ZNF518A: variants seen among roughly 807,000 people sequenced by gnomAD.
The protein encoded by ZNF518A is zinc finger protein 518A.
ZNF518A carries 47 observed loss-of-function variants against 102.7 expected under a neutral mutation model. The observed-to-expected ratio is 0.46, with a 90% confidence interval of 0.36 to 0.58. ZNF518A has a LOEUF of 0.58. Ranked by LOEUF, ZNF518A falls within the 20% of genes least tolerant of loss-of-function variation. ZNF518A has a pLI of 0.00. For missense variants in ZNF518A, 1,793 were observed against 1,699.8 expected, an observed-to-expected ratio of 1.05 and a Z score of -0.96; for synonymous variants, 652 against 594.6, an observed-to-expected ratio of 1.10 and a Z score of -1.40.
chr10:96,195,977 A>G (rs1299276512), intron 1 of ZNF518A, among the ~76,000 whole-genome samples: 1 of 152,254 alleles, frequency 6.6e-6, no homozygotes, highest in Non-Finnish European at 1.5e-5. Context: ...CTGGAAATAC[A>G]GAGATGAAAA....
intron 1 of ZNF518A, among the ~76,000 whole-genome samples, chr10:96,183,670 T>C (rs1333609411): frequency 6.6e-6 from 1 of 152,238 alleles, no homozygotes; most frequent in Non-Finnish European, 1.5e-5. Flanking sequence ...TGCACTGTGG[T>C]CTGAGAGACA....
At chr10:96,130,225 C>T (rs982324351), upstream of ZNF518A, 18 of 152,810 alleles carry the variant, frequency 1.2e-4, no homozygotes, top group African/African-American at 3.8e-4. Flanking sequence ...GTCCCCCAAA[C>T]AGGTCCAGGG....
Position 96,156,480 on chromosome 10 carries a change from C to A in ZNF518A, c.158C>A (p.Pro53Gln). 1 of 1,610,854 alleles carries A rather than the reference C, an allele frequency of 6.2e-7. No homozygotes were observed. The highest frequency in any genetic ancestry group is 1.1e-5 in the South Asian group (1 of 89,840). ...CTAAAAAATGTGAAAATTGATTTGC[C>A]AAAAATAAATATTCCAAATGAAGTC... ...YALKNVKIDL[P>Q]KINIPNEVLL... is the part of the protein sequence containing the mutation. The change falls in exon 6 of 6, where the codon CCA (proline) becomes CAA (glutamine). Residue 53 changes from proline (P) to glutamine (Q), a missense_variant. Around this residue, in one of 3 missense-constraint regions of ZNF518A, gnomAD observed 1,741 missense variants for 1,622.6 expected, o/e 1.07. Transcript: ENST00000316045.
At chr10:96,181,893 T>G (rs1423234866) in intron 1 of ZNF518A, among the ~76,000 whole-genome samples, 1 of 152,222 alleles carries the variant, frequency 6.6e-6, no homozygotes, top group Non-Finnish European at 1.5e-5. Context: ...GGTAGCTTGA[T>G]GGGGATGGCA....
At chr10:96,177,665 T>A (rs782352587) in intron 1 of ZNF518A, among the ~76,000 whole-genome samples, 1 of 152,134 alleles carries the variant, frequency 6.6e-6, no homozygotes, top group African/African-American at 2.4e-5. Context: ...AAAAAACATG[T>A]AATTACTAAG....
rs587756735 is a variant in ZNF518A, at chr10:96,160,341, G to A, written c.4019G>A (p.Cys1340Tyr). 3.7e-6 allele frequency: 6 copies of A among 1,613,640 alleles called. No homozygotes were observed. In the African/African-American group the frequency reaches 4.0e-5, roughly 11 times the overall value. The change falls in exon 6 of 6, where the codon TGT (cysteine) becomes TAT (tyrosine). Residue 1340 changes from cysteine (C) to tyrosine (Y), a missense_variant. This residue lies in a region of ZNF518A where 1,741 missense variants were observed against 1,622.6 expected (regional missense o/e 1.07). Transcript: ENST00000316045. ...FPFSSKQLVK[C>Y]PRRNQPVVVL... is the part of the protein sequence containing the mutation. ...TTTAGTTCTAAACAGCTTGTGAAAT[G>A]TCCTAGGAGAAACCAACCAGTTGTA...
intron 1 of ZNF518A, among the ~76,000 whole-genome samples, chr10:96,184,799 G>A (rs1348223726): frequency 6.6e-6 from 1 of 152,144 alleles, no homozygotes; most frequent in Non-Finnish European, 1.5e-5. Context: ...CTCTTCTTGA[G>A]GAGTATCTTT....
intron 1 of ZNF518A, among the ~76,000 whole-genome samples, chr10:96,183,870 G>A (rs1233778114): frequency 6.6e-6 from 1 of 152,166 alleles, no homozygotes; most frequent in Non-Finnish European, 1.5e-5. Flanking sequence ...GGATATCATT[G>A]TTAACCTTCT....
intron 1 of ZNF518A, among the ~76,000 whole-genome samples, chr10:96,188,371 G>A (rs1221974273): frequency 2.6e-5 from 4 of 152,154 alleles, no homozygotes; most frequent in South Asian, 2.1e-4. Flanking sequence ...AATCCACCAC[G>A]CAGTACTGTA....
intron 1 of ZNF518A, among the ~76,000 whole-genome samples, chr10:96,195,050 T>C (rs1336724768): frequency 6.6e-6 from 1 of 152,088 alleles, no homozygotes; most frequent in Non-Finnish European, 1.5e-5. Context: ...ATTACAGGCG[T>C]GAGCCACCGC....
Position 96,159,752 on chromosome 10 carries a change from T to C in ZNF518A, c.3430T>C (p.Leu1144=), listed in dbSNP as rs587775767. 3.7e-6 allele frequency: 6 copies of C among 1,613,374 alleles called. No homozygotes were observed. The Admixed American group carries it at 5.0e-5, about 13-fold the overall frequency. ...KKPEGTPQRI[L]LKIFNPVLNV... is the part of the protein sequence containing the mutation. ...ACCTGAAGGAACACCACAAAGAATA[T>C]TGCTGAAAATTTTTAACCCTGTTTT... is the stretch of plus-strand genomic sequence containing the variant. Residue 1144 remains leucine (L), a synonymous_variant, in exon 6 of 6, where the codon TTG becomes CTG. Transcript: ENST00000316045.
intron 1 of ZNF518A, among the ~76,000 whole-genome samples, chr10:96,132,142 T>C (rs2081370034): frequency 6.6e-6 from 1 of 151,966 alleles, no homozygotes; most frequent in Non-Finnish European, 1.5e-5. Context: ...TTGAAATTTT[T>C]ATTTATTATC....
At position 96,156,450 on chromosome 10, in the gene ZNF518A, A is replaced by G; in HGVS notation, c.128A>G (p.Tyr43Cys). The change falls in exon 6 of 6, where the codon TAT becomes TGT. Residue 43 changes from tyrosine to cysteine, a missense_variant. By Grantham distance (194) the Tyr-to-Cys change is radical. Around this residue, in one of 3 missense-constraint regions of ZNF518A, gnomAD observed 1,741 missense variants for 1,622.6 expected, o/e 1.07. Transcript: ENST00000316045. ...PKPKISGSIHYALKNVKIDLP... is the reference protein window; with the variant it reads ...PKPKISGSIHCALKNVKIDLP... ...CCAAAAATTTCAGGAAGTATTCATT[A>G]TGCACTAAAAAATGTGAAAATTGAT... 6 of 1,613,288 alleles carry G rather than the reference A, an allele frequency of 3.7e-6. No individual in the cohort carries two copies. The highest frequency in any genetic ancestry group is 1.7e-5 in the Admixed American group (1 of 59,894).
chr10:96,147,551 A>T (rs998573180), intron 3 of ZNF518A, among the ~76,000 whole-genome samples: 2 of 152,116 alleles, frequency 1.3e-5, no homozygotes, highest in Non-Finnish European at 2.9e-5. Context: ...GAGATTTTGC[A>T]TGTCTTCATT....
At chr10:96,143,777 C>A (rs2082047311) in intron 3 of ZNF518A, among the ~76,000 whole-genome samples, 1 of 152,104 alleles carries the variant, frequency 6.6e-6, no homozygotes, top group Admixed American at 6.5e-5. Flanking sequence ...TGATTTTTCT[C>A]CTATTGATTT....
intron 3 of ZNF518A, among the ~76,000 whole-genome samples, chr10:96,144,012 G>T (rs587706347): frequency 6.6e-6 from 1 of 151,938 alleles, no homozygotes; most frequent in African/African-American, 2.4e-5. Context: ...TTTTAGACAG[G>T]TCTCGCTGTG....
At chr10:96,169,124 A>G (rs1258981327) in intron 1 of ZNF518A, among the ~76,000 whole-genome samples, 1 of 152,096 alleles carries the variant, frequency 6.6e-6, no homozygotes, top group Non-Finnish European at 1.5e-5. Context: ...GAACTCCTAG[A>G]CTCAAGCATT....
intron 1 of ZNF518A, among the ~76,000 whole-genome samples, chr10:96,174,760 A>AGATAGATG: frequency 6.6e-6 from 1 of 152,098 alleles, no homozygotes; most frequent in Non-Finnish European, 1.5e-5. Context: ...ATAGATAGAT[A>AGATAGATG]GATAGCAATT....
chr10:96,179,883 C>A lies in ZNF518A; in HGVS notation n.36-23691C>A, dbSNP rs1332745579. Among the ~76,000 whole-genome samples the A allele has an allele frequency of 3.6e-4, 38 of 106,182 alleles. 1 individual carries two copies. The highest frequency in any genetic ancestry group is 1.3e-3 in the African/African-American group (37 of 27,972). 69.7% of individuals were successfully genotyped at this position (106,182 alleles called of 152,430 possible). ...TTTTTTTCTTCTTCTTTCTTTCTTT[C>A]ATTTTTTTTTTTTGACATGGAGTCT... On this transcript the variant is annotated intron_variant and non_coding_transcript_variant, in intron 1 of 2. Coordinates refer to the ZNF518A transcript ENST00000442635.
Sources: gnomAD v4.1 joint callset for allele counts (sites outside exome capture counted in the v4.1 genomes callset) on GRCh38, gnomAD v4.1.1 for gene constraint, gnomAD v4.1.1 regional missense constraint, MANE v1.5 for transcripts, NCBI Gene and HGNC (gene_info 2026-07-23, HGNC 2026-07-21) for gene names.